SUSD1: variants seen among roughly 807,000 people sequenced by gnomAD.
The protein encoded by SUSD1 is sushi domain-containing protein 1.
SUSD1 carries 65 observed loss-of-function variants against 86.9 expected under a neutral mutation model. That is an observed-to-expected ratio of 0.75 (90% CI 0.61 to 0.92). The LOEUF (loss-of-function observed/expected upper bound fraction) is 0.92, where lower values mean the gene tolerates loss of function less well. Among genes scored for constraint, SUSD1 ranks in the 40% least tolerant of loss-of-function variants. The probability of loss-of-function intolerance (pLI) is 0.00; values close to 1 mark genes in which losing one functional copy is unlikely to be tolerated. For missense variants in SUSD1, 850 were observed against 929.7 expected (o/e 0.91, Z 1.11); for synonymous variants, 346 against 350.0 (o/e 0.99, Z 0.13).
chr9:112,146,102 T>G (rs1832797313), intron 3 of SUSD1: 4 of 152,254 alleles, frequency 2.6e-5, no homozygotes, highest in South Asian at 2.1e-4. Context: ...AGTGACTAAC[T>G]GCTGATACCC....
At chr9:112,080,215 G>T in intron 10 of SUSD1, 50 bp from the exon 11 acceptor site, 1 of 1,380,184 alleles carries the variant, frequency 7.2e-7, no homozygotes, top group Non-Finnish European at 1.0e-6. Context: ...TAGAAAAAAT[G>T]CTACCTTTTA....
rs867637447 is a variant in SUSD1, at chr9:112,075,378, G to A, written c.1753+3160C>T. Among the ~76,000 whole-genome samples, 4 of 152,052 alleles carry A rather than the reference G, an allele frequency of 2.6e-5. No homozygotes were observed. In the South Asian group the frequency reaches 6.2e-4, roughly 24 times the overall value. Reference sequence around the variant, plus strand: ...TACAGACAAAAATCACTGTCTTCAGGAAGCTCCTATTTTAGTGGGAGAGAA... The same window carrying A: ...TACAGACAAAAATCACTGTCTTCAGAAAGCTCCTATTTTAGTGGGAGAGAA... On this transcript the variant is annotated intron_variant, in intron 12 of 16. Transcript: ENST00000374270.
intron 13 of SUSD1, among the ~76,000 whole-genome samples, chr9:112,058,901 C>A (rs1828580654): frequency 6.6e-6 from 1 of 152,146 alleles, no homozygotes; most frequent in South Asian, 2.1e-4. Context: ...TCAAGCAATT[C>A]TCCTGCCTCA....
At chr9:112,115,910 A>C (rs1329003698) in intron 6 of SUSD1, among the ~76,000 whole-genome samples, 2 of 151,376 alleles carry the variant, frequency 1.3e-5, no homozygotes, top group Admixed American at 1.3e-4. Context: ...CTTGGGTAGC[A>C]TAAAGATGAT....
chr9:112,144,255 A>G (rs1433363824), intron 3 of SUSD1, among the ~76,000 whole-genome samples: 1 of 151,968 alleles, frequency 6.6e-6, no homozygotes, highest in Non-Finnish European at 1.5e-5. Context: ...AAAAAAAAAG[A>G]AAATCCAATC....
Position 112,058,699 on chromosome 9 carries a change from A to G in SUSD1, c.1851-13T>C. 1 of 1,613,066 alleles carries G rather than the reference A, an allele frequency of 6.2e-7. No homozygotes were observed. Among genetic ancestry groups the G allele is most frequent in the Non-Finnish European group, 8.5e-7 (1 of 1,179,466 alleles). Reference sequence around the variant, plus strand: ...CACCTGATATGAACTGGAAGAAAAAAGGAGAAGTGTCCATCAGACCCTTGC... The same window carrying G: ...CACCTGATATGAACTGGAAGAAAAAGGGAGAAGTGTCCATCAGACCCTTGC... On this transcript the variant is annotated splice_polypyrimidine_tract_variant and intron_variant, in intron 13 of 16. Coordinates refer to ENST00000374270, the MANE Select transcript of SUSD1 (RefSeq NM_022486.5).
At chr9:112,058,724 C>T in intron 13 of SUSD1, 38 bp from the exon 14 acceptor site, 1 of 1,600,036 alleles carries the variant, frequency 6.2e-7, no homozygotes. Flanking sequence ...CAGACCCTTG[C>T]ATGGGGAGTT....
In SUSD1 at chr9:112,130,620, G is replaced by A. The variant is rs144164589; in HGVS notation, c.707-6184C>T. Among the ~76,000 whole-genome samples, 49 of 145,208 alleles carry A rather than the reference G, an allele frequency of 3.4e-4. 3 individuals carry two copies. In the East Asian group the frequency reaches 0.01, roughly 31 times the overall value. ...AGGAAGGAAAGGAAAGGAAGGAAAG[G>A]AAAGGAAAGGAAAAGGAAGAAAGAG... On this transcript the variant is annotated intron_variant, in intron 5 of 16. Coordinates refer to ENST00000374270, the MANE Select transcript of SUSD1 (RefSeq NM_022486.5).
chr9:112,117,785 G>T (rs1216496204), intron 6 of SUSD1, among the ~76,000 whole-genome samples: 1 of 152,170 alleles, frequency 6.6e-6, no homozygotes, highest in Non-Finnish European at 1.5e-5. Context: ...TTATTTGGTT[G>T]AACTGGTTGA....
intron 12 of SUSD1, among the ~76,000 whole-genome samples, chr9:112,073,464 ACTCTCTCTCT>A (rs968033191): frequency 6.7e-6 from 1 of 148,522 alleles, no homozygotes; most frequent in African/African-American, 2.5e-5. Flanking sequence ...TCTCACGCTC[ACTCTCTCTCT>A]CTCTCTTTCT....
At chr9:112,126,503 C>G (rs1305752299) in intron 5 of SUSD1, among the ~76,000 whole-genome samples, 1 of 152,152 alleles carries the variant, frequency 6.6e-6, no homozygotes, top group Non-Finnish European at 1.5e-5. Context: ...GTAACTTGTT[C>G]TCTAGGGATT....
chr9:112,157,847 A>ATTATT, intron 1 of SUSD1, among the ~76,000 whole-genome samples: 1 of 142,640 alleles, frequency 7.0e-6, no homozygotes, highest in African/African-American at 2.7e-5. Flanking sequence ...TTTTCAAGAC[A>ATTATT]TGGTCTTGCT....
intron 9 of SUSD1, among the ~76,000 whole-genome samples, chr9:112,100,890 A>ACACACACACAC (rs59699795): frequency 7.3e-5 from 11 of 151,304 alleles, no homozygotes; most frequent in Non-Finnish European, 1.0e-4. Context: ...ACACACACAC[A>ACACACACACAC]AATAAAATCT....
At chr9:112,064,158 C>T (rs1313450310) in intron 12 of SUSD1, among the ~76,000 whole-genome samples, 1 of 152,010 alleles carries the variant, frequency 6.6e-6, no homozygotes, top group Non-Finnish European at 1.5e-5. Flanking sequence ...GCCTGGTCTA[C>T]ATTTGCCCTA....
intron 14 of SUSD1, among the ~76,000 whole-genome samples, chr9:112,056,922 C>T (rs534681803): frequency 6.6e-6 from 1 of 152,278 alleles, no homozygotes; most frequent in South Asian, 2.1e-4. Context: ...ACTTCATTCC[C>T]TCTGTTATGA....
At chr9:112,107,886 T>C (rs1830919082) in intron 8 of SUSD1, among the ~76,000 whole-genome samples, 1 of 152,058 alleles carries the variant, frequency 6.6e-6, no homozygotes, top group African/African-American at 2.4e-5. Flanking sequence ...AAACCAGAAG[T>C]CCTGAATAAC....
chr9:112,114,529 C>T (rs1222015971), intron 6 of SUSD1, among the ~76,000 whole-genome samples: 1 of 152,096 alleles, frequency 6.6e-6, no homozygotes, highest in Non-Finnish European at 1.5e-5. Flanking sequence ...CAGACAGAAG[C>T]TATCATATAA....
chr9:112,042,114 G>A (rs1827767543), intron 15 of SUSD1, 154 bp from the exon 16 acceptor site: 2 of 1,541,626 alleles, frequency 1.3e-6, no homozygotes, highest in African/African-American at 1.4e-5. Context: ...TGTGTCCCCT[G>A]AGTTGGCCCT....
chr9:112,126,160 T>C (rs1034694870), intron 5 of SUSD1, among the ~76,000 whole-genome samples: 3 of 152,244 alleles, frequency 2.0e-5, no homozygotes, highest in Non-Finnish European at 4.4e-5. Flanking sequence ...AGTCACATTG[T>C]TGACATCTGA....
Sources: gnomAD v4.1 joint callset for allele counts (sites outside exome capture counted in the v4.1 genomes callset) on GRCh38, gnomAD v4.1.1 for gene constraint, MANE v1.5 for transcripts, NCBI Gene and HGNC (gene_info 2026-07-23, HGNC 2026-07-21) for gene names.